Variants in HS6ST3 observed in about 807,000 individuals in gnomAD.
The protein encoded by HS6ST3 is heparan-sulfate 6-O-sulfotransferase 3.
HS6ST3 carries 12 observed loss-of-function variants against 36.7 expected under a neutral mutation model. The ratio of observed to expected loss-of-function variants is 0.33; its 90% CI spans 0.21 to 0.53. The LOEUF is 0.53. Among genes scored for constraint, HS6ST3 ranks in the 20% least tolerant of loss-of-function variants. The probability of loss-of-function intolerance (pLI) is 0.95; values close to 1 mark genes in which losing one functional copy is unlikely to be tolerated. For synonymous variants in HS6ST3, 240 were observed against 257.5 expected (o/e 0.93, Z 0.65); for missense variants, 584 against 640.9 (o/e 0.91, Z 0.96).
rs74107905 is a variant in HS6ST3, at chr13:96,532,086, G to A, written c.708-300404G>A. Among the ~76,000 whole-genome samples the A allele has an allele frequency of 8.1e-3, 1,229 of 152,256 alleles. 16 individuals carry two copies. The highest frequency in any genetic ancestry group is 0.028 in the African/African-American group (1,153 of 41,554). On this transcript the variant is annotated intron_variant, in intron 1 of 1. Transcript: ENST00000376705. ...CCCAGCAAGGGAAAGGCCCATCCCA[G>A]GCTGGATCCAGAGTACAGTCAGGCC...
intron 1 of HS6ST3, among the ~76,000 whole-genome samples, chr13:96,447,550 T>C (rs1242637226): frequency 6.6e-6 from 1 of 152,042 alleles, no homozygotes; most frequent in Non-Finnish European, 1.5e-5. Flanking sequence ...CACCCAAACA[T>C]GGCGATTCCT....
At chr13:96,109,894 A>G (rs557050543) in intron 1 of HS6ST3, among the ~76,000 whole-genome samples, 1 of 152,340 alleles carries the variant, frequency 6.6e-6, no homozygotes, top group East Asian at 1.9e-4. Flanking sequence ...GGCATTGGAA[A>G]TAAAAAGGTG....
At chr13:96,444,570 A>G (rs866415213) in intron 1 of HS6ST3, among the ~76,000 whole-genome samples, 1 of 152,290 alleles carries the variant, frequency 6.6e-6, no homozygotes, top group African/African-American at 2.4e-5. Flanking sequence ...TAAAATTTTT[A>G]TTTTTGTATT....
At chr13:96,783,530 C>G (rs114833400) in intron 1 of HS6ST3, among the ~76,000 whole-genome samples, 1 of 151,004 alleles carries the variant, frequency 6.6e-6, no homozygotes, top group East Asian at 1.9e-4. Flanking sequence ...TACTGTGGTC[C>G]TCTCCCCTCC....
intron 1 of HS6ST3, among the ~76,000 whole-genome samples, chr13:96,096,203 A>G (rs2053790085): frequency 6.6e-6 from 1 of 152,178 alleles, no homozygotes; most frequent in Non-Finnish European, 1.5e-5. Context: ...AGTAAAAGGA[A>G]TGAGATATGG....
chr13:96,631,721 A>G (rs190375250), intron 1 of HS6ST3, among the ~76,000 whole-genome samples: 6 of 152,352 alleles, frequency 3.9e-5, no homozygotes, highest in Admixed American at 2.0e-4. Context: ...GGTTTTCTCC[A>G]AGTAATATTG....
chr13:96,656,246 A>G (rs2056624293), intron 1 of HS6ST3, among the ~76,000 whole-genome samples: 1 of 152,182 alleles, frequency 6.6e-6, no homozygotes, highest in African/African-American at 2.4e-5. Context: ...TGAATTGAGC[A>G]GAGGAGACCA....
chr13:96,597,505 C>T (rs533133963), intron 1 of HS6ST3, among the ~76,000 whole-genome samples: 65 of 151,694 alleles, frequency 4.3e-4, no homozygotes, highest in African/African-American at 1.4e-3. Flanking sequence ...TATGTCTGTT[C>T]GTGTTATTTC....
chr13:96,299,404 C>G (rs918871701), intron 1 of HS6ST3, among the ~76,000 whole-genome samples: 3 of 152,056 alleles, frequency 2.0e-5, no homozygotes, highest in Non-Finnish European at 4.4e-5. Flanking sequence ...AGTACTTGAT[C>G]CAGTTCATAG....
At chr13:96,611,092 T>C (rs1419191990) in intron 1 of HS6ST3, among the ~76,000 whole-genome samples, 2 of 150,560 alleles carry the variant, frequency 1.3e-5, no homozygotes, top group Non-Finnish European at 3.0e-5. Context: ...TTTGTTTTCT[T>C]TATTTTCTTT....
At chr13:96,267,904 A>G (rs1260579171) in intron 1 of HS6ST3, among the ~76,000 whole-genome samples, 7 of 151,912 alleles carry the variant, frequency 4.6e-5, no homozygotes, top group African/African-American at 1.7e-4. Flanking sequence ...CATGGAACAG[A>G]TTCTCACCTA....
In HS6ST3 at chr13:96,833,764, A is replaced by C. The variant is rs752120290; in HGVS notation, c.*566A>C. The C allele has an allele frequency of 1.3e-5, 2 of 152,530 alleles. No homozygotes were observed. Among genetic ancestry groups the C allele is most frequent in the Non-Finnish European group, 2.9e-5 (2 of 68,304 alleles). The allele number at this position is 152,530 out of a possible 1,614,324, so 9.4% of individuals were successfully genotyped here. A position where few individuals can be genotyped will look rare whatever the true frequency, so the allele number is the denominator to read the frequency against. On this transcript the variant is annotated 3_prime_UTR_variant, in exon 2 of 2. Transcript: ENST00000376705. ...CACAAGTAACGTGTTTTGTTGTTGCAGTTGTTTTGAAACAAAATTATCCTA... is the reference window on the plus strand; with the variant it reads ...CACAAGTAACGTGTTTTGTTGTTGCCGTTGTTTTGAAACAAAATTATCCTA...
intron 1 of HS6ST3, among the ~76,000 whole-genome samples, chr13:96,579,049 T>G (rs1164773307): frequency 6.6e-6 from 1 of 152,180 alleles, no homozygotes; most frequent in Non-Finnish European, 1.5e-5. Flanking sequence ...ATTCTTAAAT[T>G]TTTTGCTTCA....
intron 1 of HS6ST3, among the ~76,000 whole-genome samples, chr13:96,811,172 C>A (rs1331127828): frequency 6.6e-6 from 1 of 152,156 alleles, no homozygotes. Context: ...AAAAGCCATT[C>A]TTGTTACTTA....
At chr13:96,717,964 T>G (rs911461937) in intron 1 of HS6ST3, among the ~76,000 whole-genome samples, 1 of 152,184 alleles carries the variant, frequency 6.6e-6, no homozygotes, top group Non-Finnish European at 1.5e-5. Context: ...CATTTGACTT[T>G]CCCTGACTTG....
chr13:96,320,134 A>C (rs1002346116), intron 1 of HS6ST3, among the ~76,000 whole-genome samples: 3 of 152,192 alleles, frequency 2.0e-5, no homozygotes, highest in African/African-American at 4.8e-5. Context: ...TGGAGAGTTC[A>C]TGTGCAGCTT....
At chr13:96,319,853 G>A (rs760467969) in intron 1 of HS6ST3, among the ~76,000 whole-genome samples, 1 of 152,010 alleles carries the variant, frequency 6.6e-6, no homozygotes, top group African/African-American at 2.4e-5. Context: ...CTCTTTGCTG[G>A]GAGTCAGAAA....
Position 96,090,246 on chromosome 13 carries a change from T to G in HS6ST3, c.-617T>G. Among the ~76,000 whole-genome samples, 1 of 151,626 alleles carries G rather than the reference T, an allele frequency of 6.6e-6. No individual in the cohort carries two copies. The highest frequency in any genetic ancestry group is 2.0e-4 in the East Asian group (1 of 5,122). ...GCAGAGGCGCCTCGCCCGCTGCCGCTGCGCTGCGGGGGCCGCTCTGCAAAC... is the reference window on the plus strand; with the variant it reads ...GCAGAGGCGCCTCGCCCGCTGCCGCGGCGCTGCGGGGGCCGCTCTGCAAAC... On this transcript the variant is annotated 5_prime_UTR_variant, in exon 1 of 2. Coordinates refer to ENST00000376705, the MANE Select transcript of HS6ST3 (RefSeq NM_153456.4).
chr13:96,757,558 AG>A (rs1876863375), intron 1 of HS6ST3, among the ~76,000 whole-genome samples: 1 of 152,166 alleles, frequency 6.6e-6, no homozygotes, highest in African/African-American at 2.4e-5. Context: ...TCTCGATCTT[AG>A]GGTAAAAGAT....
Sources: allele counts gnomAD v4.1 joint callset (sites outside exome capture counted in the v4.1 genomes callset), GRCh38; gene constraint gnomAD v4.1.1; transcripts MANE v1.5; gene names NCBI Gene and HGNC (gene_info 2026-07-23, HGNC 2026-07-21).